The following PVT1 variants were observed in gnomAD, a reference collection of about 807,000 sequenced individuals.
PVT1 encodes the protein Pvt1 oncogene.
intron 4 of PVT1, among the ~76,000 whole-genome samples, chr8:128,005,506 C>G (rs911078283): frequency 1.3e-5 from 2 of 152,162 alleles, no homozygotes; most frequent in East Asian, 1.9e-4. Flanking sequence ...CTAGTCTTGT[C>G]GTCTTTCCCC....
intron 2 of PVT1, among the ~76,000 whole-genome samples, chr8:127,827,939 G>A (rs555379768): frequency 1.1e-3 from 164 of 152,246 alleles, no homozygotes; most frequent in African/African-American, 3.9e-3. Flanking sequence ...CCAAGTGCCT[G>A]CTCTTTGGAG....
intron 3 of PVT1, among the ~76,000 whole-genome samples, chr8:127,965,639 G>A (rs1816695273): frequency 6.6e-6 from 1 of 152,216 alleles, no homozygotes; most frequent in African/African-American, 2.4e-5. Context: ...TGTGTCAGTT[G>A]CAGGCACTTC....
intron 3 of PVT1, among the ~76,000 whole-genome samples, chr8:127,970,542 G>A (rs552208566): frequency 1.1e-4 from 17 of 151,884 alleles, no homozygotes; most frequent in East Asian, 1.9e-4. Flanking sequence ...CTCGTGATCC[G>A]CCCGCCTCGG....
chr8:128,042,619 G>T (rs1177738855), intron 4 of PVT1, among the ~76,000 whole-genome samples: 2 of 152,280 alleles, frequency 1.3e-5, no homozygotes, highest in East Asian at 3.9e-4. Flanking sequence ...ACAGGTCTTT[G>T]TGTGAGGAAT....
intron 2 of PVT1, among the ~76,000 whole-genome samples, chr8:127,822,302 G>T (rs903967279): frequency 6.6e-6 from 1 of 152,212 alleles, no homozygotes; most frequent in African/African-American, 2.4e-5. Flanking sequence ...TGCAGGCTGG[G>T]TGCAGTGGGT....
intron 4 of PVT1, among the ~76,000 whole-genome samples, chr8:128,039,426 G>A (rs1044788852): frequency 6.6e-6 from 1 of 152,162 alleles, no homozygotes; most frequent in Admixed American, 6.5e-5. Context: ...CTCCCTTCCT[G>A]TTGTCCTTAA....
chr8:127,805,338 AGATT>A (rs2129650068), intron 2 of PVT1, among the ~76,000 whole-genome samples: 1 of 152,078 alleles, frequency 6.6e-6, no homozygotes, highest in South Asian at 2.1e-4. Context: ...CTGTTTATAT[AGATT>A]ATGTTTTCTA....
intron 4 of PVT1, among the ~76,000 whole-genome samples, chr8:128,060,063 TG>T (rs1158044370): frequency 1.3e-5 from 2 of 152,172 alleles, no homozygotes; most frequent in Admixed American, 6.5e-5. Context: ...GAGACCATCC[TG>T]GCTAACATGG....
At chr8:127,846,606 G>A (rs894476777) in intron 2 of PVT1, among the ~76,000 whole-genome samples, 6 of 152,194 alleles carry the variant, frequency 3.9e-5, no homozygotes, top group Non-Finnish European at 7.3e-5. Flanking sequence ...TGGCCGAGTG[G>A]CAGCTGGTGT....
At chr8:128,023,773 G>A (rs538003240) in intron 4 of PVT1, among the ~76,000 whole-genome samples, 8 of 152,252 alleles carry the variant, frequency 5.3e-5, no homozygotes, top group Non-Finnish European at 7.4e-5. Context: ...CTAGTTTTAC[G>A]TGAGATGTCG....
At chr8:127,895,474 A>C (rs573183846) in intron 3 of PVT1, among the ~76,000 whole-genome samples, 1 of 152,170 alleles carries the variant, frequency 6.6e-6, no homozygotes, top group African/African-American at 2.4e-5. Flanking sequence ...CCATCTCCCA[A>C]ATAAATAAAT....
At chr8:128,037,522 C>A (rs1334424950) in intron 4 of PVT1, among the ~76,000 whole-genome samples, 1 of 152,184 alleles carries the variant, frequency 6.6e-6, no homozygotes, top group Non-Finnish European at 1.5e-5. Context: ...TGGGGGACAG[C>A]CTTGAAGCAT....
intron 4 of PVT1, among the ~76,000 whole-genome samples, chr8:128,024,727 A>G (rs888976427): frequency 2.6e-5 from 4 of 152,132 alleles, no homozygotes; most frequent in Admixed American, 6.5e-5. Flanking sequence ...CAAAAGACAC[A>G]CCAGGGAACA....
At chr8:127,885,269 C>A (rs1337728572) in intron 2 of PVT1, among the ~76,000 whole-genome samples, 1 of 152,096 alleles carries the variant, frequency 6.6e-6, no homozygotes, top group African/African-American at 2.4e-5. Flanking sequence ...AATGATAGAT[C>A]CGTCAAGCTC....
At chr8:127,973,430 C>A (rs1377072827) in intron 3 of PVT1, among the ~76,000 whole-genome samples, 1 of 152,142 alleles carries the variant, frequency 6.6e-6, no homozygotes, top group African/African-American at 2.4e-5. Context: ...ATACTGAGGT[C>A]ATGGGGGTAA....
chr8:128,050,038 G>T (rs764963075), intron 4 of PVT1, among the ~76,000 whole-genome samples: 1 of 152,048 alleles, frequency 6.6e-6, no homozygotes, highest in Non-Finnish European at 1.5e-5. Context: ...GCCTCCATTG[G>T]AGACACGTGC....
chr8:127,976,330 G>A (rs914767250), intron 3 of PVT1, among the ~76,000 whole-genome samples: 1 of 152,144 alleles, frequency 6.6e-6, no homozygotes, highest in Non-Finnish European at 1.5e-5. Flanking sequence ...GCTTTCTTGA[G>A]TGTTTATTAT....
chr8:127,845,554 T>C (rs1243797234), intron 2 of PVT1, among the ~76,000 whole-genome samples: 1 of 151,952 alleles, frequency 6.6e-6, no homozygotes, highest in African/African-American at 2.4e-5. Flanking sequence ...ACTGTGTGAG[T>C]CTAGGAACTT....
chr8:127,905,795 C>T (rs186001823), intron 3 of PVT1, among the ~76,000 whole-genome samples: 1 of 152,354 alleles, frequency 6.6e-6, no homozygotes, highest in East Asian at 1.9e-4. Context: ...TACCTGACAT[C>T]ACAGTCTGAG....
Sources: gnomAD v4.1 joint callset for allele counts (sites outside exome capture counted in the v4.1 genomes callset) on GRCh38, gnomAD v4.1.1 for gene constraint, MANE v1.5 for transcripts, NCBI Gene and HGNC (gene_info 2026-07-23, HGNC 2026-07-21) for gene names.